Variants in SPMAP2L observed in about 807,000 individuals in gnomAD.
SPMAP2L encodes the protein sperm microtubule associated protein 2 like.
the SPMAP2L span, among the ~76,000 whole-genome samples, chr4:56,620,789 A>G: frequency 1.1e-4 from 17 of 152,220 alleles, no homozygotes; most frequent in Admixed American, 8.5e-4. Flanking sequence ...AAGTAATGTA[A>G]TGCAGCATGA....
At chr4:56,595,754 G>C in the SPMAP2L span, 1 of 850,500 alleles carries the variant, frequency 1.2e-6, no homozygotes, top group Non-Finnish European at 2.1e-6. Context: ...GACTGATTTG[G>C]TGCCTCTCCC....
At chr4:56,580,197 C>G in the SPMAP2L span, among the ~76,000 whole-genome samples, 1 of 151,980 alleles carries the variant, frequency 6.6e-6, no homozygotes, top group Non-Finnish European at 1.5e-5. Context: ...CAAACCAAAT[C>G]CAAATGTACA....
At chr4:56,568,573 T>C in the SPMAP2L span, among the ~76,000 whole-genome samples, 3 of 152,210 alleles carry the variant, frequency 2.0e-5, no homozygotes, top group African/African-American at 7.2e-5. Context: ...CTTATGCCTA[T>C]AATCCCACTT....
chr4:56,582,461 C>T, the SPMAP2L span, among the ~76,000 whole-genome samples: 1 of 152,086 alleles, frequency 6.6e-6, no homozygotes, highest in Non-Finnish European at 1.5e-5. Flanking sequence ...TGCTCAGCAT[C>T]ATTTGCCTTC....
chr4:56,626,022 C>G, the SPMAP2L span, among the ~76,000 whole-genome samples: 1 of 152,120 alleles, frequency 6.6e-6, no homozygotes, highest in Admixed American at 6.5e-5. Flanking sequence ...CCTTCCCAGC[C>G]GATGCCAACC....
At chr4:56,624,625 A>G in the SPMAP2L span, among the ~76,000 whole-genome samples, 1 of 152,212 alleles carries the variant, frequency 6.6e-6, no homozygotes, top group South Asian at 2.1e-4. Flanking sequence ...CCTTGGCTGA[A>G]AAGGGCCAAC....
At chr4:56,588,449 G>A in the SPMAP2L span, among the ~76,000 whole-genome samples, 4,140 of 114,372 alleles carry the variant, frequency 0.036, 189 homozygotes, top group African/African-American at 0.13. Context: ...TTTTTTTTTT[G>A]AGACGGAGGT....
At chr4:56,600,702 G>A in the SPMAP2L span, among the ~76,000 whole-genome samples, 1 of 152,130 alleles carries the variant, frequency 6.6e-6, no homozygotes, top group African/African-American at 2.4e-5. Flanking sequence ...GTAAAGCTTA[G>A]AACACTGTCT....
At chr4:56,589,483 T>C in the SPMAP2L span, among the ~76,000 whole-genome samples, 3 of 152,158 alleles carry the variant, frequency 2.0e-5, no homozygotes, top group East Asian at 5.8e-4. Flanking sequence ...GATGGTGTTA[T>C]TTTGATGGGG....
the SPMAP2L span, among the ~76,000 whole-genome samples, chr4:56,580,141 G>A: frequency 6.6e-6 from 1 of 151,984 alleles, no homozygotes; most frequent in Non-Finnish European, 1.5e-5. Flanking sequence ...GACCAATATA[G>A]TTTATGAATA....
At chr4:56,601,237 T>A in the SPMAP2L span, 1 of 947,608 alleles carries the variant, frequency 1.1e-6, no homozygotes, top group Non-Finnish European at 1.5e-6. Context: ...ACATCTTACT[T>A]AACGAATTAC....
the SPMAP2L span, among the ~76,000 whole-genome samples, chr4:56,547,408 G>A: frequency 6.6e-6 from 1 of 152,028 alleles, no homozygotes; most frequent in Admixed American, 6.6e-5. Flanking sequence ...ACTATGAGTG[G>A]CTAATTTTTG....
chr4:56,615,567 C>T, the SPMAP2L span, among the ~76,000 whole-genome samples: 4 of 151,884 alleles, frequency 2.6e-5, no homozygotes, highest in African/African-American at 7.3e-5. Flanking sequence ...GTCAACATGG[C>T]GAAACCCCGT....
chr4:56,622,275 G>A, the SPMAP2L span, among the ~76,000 whole-genome samples: 5 of 152,350 alleles, frequency 3.3e-5, no homozygotes, highest in African/African-American at 1.2e-4. Context: ...AAACATGCTT[G>A]AAGTTTATTT....
the SPMAP2L span, among the ~76,000 whole-genome samples, chr4:56,583,298 A>AG: frequency 6.6e-6 from 1 of 151,848 alleles, no homozygotes; most frequent in Admixed American, 6.6e-5. Flanking sequence ...AAGGAAAAAA[A>AG]AAAGAAATTC....
the SPMAP2L span, among the ~76,000 whole-genome samples, chr4:56,605,449 A>G: frequency 6.6e-6 from 1 of 152,114 alleles, no homozygotes; most frequent in South Asian, 2.1e-4. Flanking sequence ...ATAACAGAAT[A>G]GAGAACTTTG....
chr4:56,585,532 C>CAA, the SPMAP2L span, among the ~76,000 whole-genome samples: 1,034 of 152,142 alleles, frequency 6.8e-3, 13 homozygotes, highest in African/African-American at 0.024. Flanking sequence ...TTTGTAGAGA[C>CAA]AGTTTCCTTA....
chr4:56,592,868 G>C, the SPMAP2L span: 3 of 1,609,358 alleles, frequency 1.9e-6, no homozygotes, highest in East Asian at 4.5e-5. Flanking sequence ...CATCGGCCCT[G>C]GGGACAAAGA....
At chr4:56,622,605 T>C in the SPMAP2L span, among the ~76,000 whole-genome samples, 1 of 152,242 alleles carries the variant, frequency 6.6e-6, no homozygotes, top group African/African-American at 2.4e-5. Context: ...CATTTCATTT[T>C]GTTCTGAGAA....
Sources: allele counts gnomAD v4.1 joint callset (sites outside exome capture counted in the v4.1 genomes callset), GRCh38; gene constraint gnomAD v4.1.1; transcripts MANE v1.5; gene names NCBI Gene and HGNC (gene_info 2026-07-23, HGNC 2026-07-21).